The following SLC4A4 variants were observed in gnomAD, a reference collection of about 807,000 sequenced individuals.
SLC4A4 encodes the protein solute carrier family 4 member 4.
SLC4A4 carries 27 observed loss-of-function variants against 111.5 expected under a neutral mutation model. The observed-to-expected ratio is 0.24, with a 90% CI of 0.18 to 0.33. The LOEUF (loss-of-function observed/expected upper bound fraction) is 0.33. Among genes scored for constraint, SLC4A4 ranks in the 10% least tolerant of loss-of-function variants. The pLI is 1.00. For synonymous variants in SLC4A4, 443 were observed against 463.4 expected, an observed-to-expected ratio of 0.96 and a Z score of 0.57; for missense variants, 909 against 1,315.5, an observed-to-expected ratio of 0.69 and a Z score of 4.78.
At chr4:71,379,678 G>A (rs1717919194) in intron 6 of SLC4A4, among the ~76,000 whole-genome samples, 1 of 152,256 alleles carries the variant, frequency 6.6e-6, no homozygotes, top group African/African-American at 2.4e-5. Context: ...TATTCTTGGT[G>A]CCAAACATAA....
intron 20 of SLC4A4, among the ~76,000 whole-genome samples, chr4:71,550,422 T>C (rs1333299742): frequency 1.3e-5 from 2 of 151,898 alleles, no homozygotes; most frequent in East Asian, 3.9e-4. Flanking sequence ...AAGAAGCAGA[T>C]ATTGAGGGTA....
At chr4:71,435,920 G>A (rs1724095382) in intron 7 of SLC4A4, among the ~76,000 whole-genome samples, 1 of 152,238 alleles carries the variant, frequency 6.6e-6, no homozygotes, top group Non-Finnish European at 1.5e-5. Flanking sequence ...AGGTGCTGGA[G>A]AGGATGTGGA....
intron 3 of SLC4A4, among the ~76,000 whole-genome samples, chr4:71,285,307 G>A (rs1419238847): frequency 1.3e-5 from 2 of 152,092 alleles, no homozygotes; most frequent in South Asian, 2.1e-4. Flanking sequence ...CCTGACTCTC[G>A]GTAACCTCTT....
At chr4:71,236,710 C>T in intron 2 of SLC4A4, 61 bp downstream of exon 2, 2 of 1,309,718 alleles carry the variant, frequency 1.5e-6, no homozygotes, top group Non-Finnish European at 2.2e-6. Context: ...TAGATAATAA[C>T]ATTCATGCAT....
At chr4:71,453,711 A>AT (rs1398678250) in intron 12 of SLC4A4, 42 bp downstream of exon 12, 1 of 1,594,432 alleles carries the variant, frequency 6.3e-7, no homozygotes, top group Admixed American at 1.7e-5. Flanking sequence ...TACAGCCCAG[A>AT]TTGCCTTCCT....
intron 2 of SLC4A4, among the ~76,000 whole-genome samples, chr4:71,180,756 T>G (rs980563801): frequency 6.6e-6 from 1 of 152,208 alleles, no homozygotes; most frequent in African/African-American, 2.4e-5. Flanking sequence ...TTGGTGGGAC[T>G]AAACTAATTC....
intron 2 of SLC4A4, among the ~76,000 whole-genome samples, chr4:71,125,716 G>A (rs140958002): frequency 6.6e-6 from 1 of 152,252 alleles, no homozygotes; most frequent in African/African-American, 2.4e-5. Context: ...TGGTATCAAG[G>A]CATTAAATTA....
At chr4:71,477,570 T>C (rs192841511) in intron 14 of SLC4A4, among the ~76,000 whole-genome samples, 304 of 151,924 alleles carry the variant, frequency 2.0e-3, no homozygotes, top group African/African-American at 6.9e-3. Context: ...TACTATTGCA[T>C]TGAATCTCGA....
At chr4:71,322,672 A>G (rs545366899) in intron 3 of SLC4A4, among the ~76,000 whole-genome samples, 1 of 152,148 alleles carries the variant, frequency 6.6e-6, no homozygotes, top group African/African-American at 2.4e-5. Flanking sequence ...ACCTTATCAT[A>G]GCAGCTCTGG....
chr4:71,086,919 C>T (rs923155370), intron 1 of SLC4A4, among the ~76,000 whole-genome samples: 4 of 152,026 alleles, frequency 2.6e-5, no homozygotes, highest in Admixed American at 1.3e-4. Context: ...GCTGGCCTCA[C>T]AAAATGAGTT....
intron 1 of SLC4A4, among the ~76,000 whole-genome samples, chr4:71,072,569 T>C (rs1233352909): frequency 6.6e-6 from 1 of 151,608 alleles, no homozygotes; most frequent in Non-Finnish European, 1.5e-5. Context: ...GCTTTTTTTT[T>C]CCTTTTAATA....
chr4:71,315,621 T>A (rs2148860737), intron 3 of SLC4A4, among the ~76,000 whole-genome samples: 1 of 152,228 alleles, frequency 6.6e-6, no homozygotes, highest in South Asian at 2.1e-4. Flanking sequence ...AACATCCCTT[T>A]TATTTGGGTA....
intron 15 of SLC4A4, among the ~76,000 whole-genome samples, chr4:71,488,006 A>G (rs1656025716): frequency 6.6e-6 from 1 of 151,574 alleles, no homozygotes; most frequent in African/African-American, 2.4e-5. Flanking sequence ...AAAGGAGTTC[A>G]ACTTTCAGTC....
rs1250533166 is a variant in SLC4A4 at position 71,464,940 on chromosome 4, T to C, written c.1498-1504T>C. On this transcript the variant is annotated intron_variant, in intron 12 of 25. Coordinates refer to ENST00000264485, the MANE Select transcript of SLC4A4 (RefSeq NM_001098484.3). ...AAACAATTTCTTCATAATCATTTTA[T>C]GTATATTGTATTTTCTTTAAAAATG... Among the ~76,000 whole-genome samples the C allele has an allele frequency of 2.6e-5, 4 of 152,186 alleles. 1 individual carries two copies. Among genetic ancestry groups the C allele is most frequent in the South Asian group, 4.1e-4 (2 of 4,834 alleles).
chr4:71,255,068 T>C (rs1721342713), intron 2 of SLC4A4, 152 bp from the exon 3 acceptor site: 1 of 791,834 alleles, frequency 1.3e-6, no homozygotes, highest in Non-Finnish European at 2.2e-6. Context: ...AATTGAAAAT[T>C]GGGAGGAAAT....
At chr4:71,388,889 A>G (rs1459975752) in intron 6 of SLC4A4, among the ~76,000 whole-genome samples, 5 of 152,148 alleles carry the variant, frequency 3.3e-5, no homozygotes, top group Admixed American at 2.0e-4. Context: ...AATTATATCC[A>G]GTGTAATATT....
chr4:71,187,558 C>G (rs1745530842), intron 1 of SLC4A4, among the ~76,000 whole-genome samples, 157 bp downstream of exon 1: 1 of 151,906 alleles, frequency 6.6e-6, no homozygotes, highest in South Asian at 2.1e-4. Context: ...GGCCGGGCAT[C>G]CCCTGAGCTG....
At chr4:71,395,676 C>G (rs550475719) in intron 6 of SLC4A4, among the ~76,000 whole-genome samples, 2 of 152,268 alleles carry the variant, frequency 1.3e-5, no homozygotes, top group Non-Finnish European at 2.9e-5. Flanking sequence ...AGTGCTTGGG[C>G]TGAAATGTGC....
chr4:71,451,149 ATAAAC>A, intron 10 of SLC4A4, 34 bp from the exon 11 acceptor site: 1 of 1,320,096 alleles, frequency 7.6e-7, no homozygotes. Flanking sequence ...AATGAATAAA[ATAAAC>A]TAATATACTC....
Sources: gnomAD v4.1 joint callset for allele counts (sites outside exome capture counted in the v4.1 genomes callset) on GRCh38, gnomAD v4.1.1 for gene constraint, MANE v1.5 for transcripts, NCBI Gene and HGNC (gene_info 2026-07-23, HGNC 2026-07-21) for gene names.